The following ARPC1A variants were observed in gnomAD, a reference collection of about 807,000 sequenced individuals.
ARPC1A encodes actin-related protein 2/3 complex subunit 1A.
Under a neutral mutation model 46.9 loss-of-function variants are expected in ARPC1A, and 8 were observed. The ratio of observed to expected loss-of-function variants is 0.17; its 90% CI spans 0.10 to 0.31. The LOEUF is 0.31. Ranked by LOEUF, ARPC1A falls within the 10% of genes least tolerant of loss-of-function variation. ARPC1A has a pLI of 1.00. For missense variants in ARPC1A, 286 were observed against 483.6 expected (o/e 0.59, Z 3.83); for synonymous variants, 152 against 169.0 (o/e 0.90, Z 0.78).
At chr7:99,337,010 G>A (rs1793266314) in intron 2 of ARPC1A, among the ~76,000 whole-genome samples, 1 of 151,936 alleles carries the variant, frequency 6.6e-6, no homozygotes, top group South Asian at 2.1e-4. Context: ...ACTAGATGGG[G>A]TAAAAAAAGA....
At chr7:99,342,995 G>A (rs1360013983) in intron 3 of ARPC1A, among the ~76,000 whole-genome samples, 1 of 151,924 alleles carries the variant, frequency 6.6e-6, no homozygotes, top group Non-Finnish European at 1.5e-5. Flanking sequence ...GAGCCACCGC[G>A]CCCGGCCTAA....
chr7:99,351,987 T>G (rs987151550), intron 5 of ARPC1A, among the ~76,000 whole-genome samples: 1 of 152,144 alleles, frequency 6.6e-6, no homozygotes, highest in Non-Finnish European at 1.5e-5. Flanking sequence ...CTTAAGCTAT[T>G]CCTGCCACAG....
intron 5 of ARPC1A, among the ~76,000 whole-genome samples, chr7:99,349,946 G>A (rs1481932212): frequency 2.0e-5 from 3 of 152,148 alleles, no homozygotes; most frequent in Non-Finnish European, 4.4e-5. Flanking sequence ...GGGAGGTGGA[G>A]GTTGCAGTGA....
chr7:99,344,608 C>A, intron 4 of ARPC1A, 93 bp downstream of exon 4: 1 of 1,314,782 alleles, frequency 7.6e-7, no homozygotes. Flanking sequence ...TTTTTCTCAT[C>A]CGGAGTTGTG....
chr7:99,338,578 GT>G (rs1435941423), intron 3 of ARPC1A, among the ~76,000 whole-genome samples: 1 of 151,564 alleles, frequency 6.6e-6, no homozygotes, highest in East Asian at 1.9e-4. Flanking sequence ...GTAGAGATAG[GT>G]TTCACCATGT....
chr7:99,329,840 T>TA (rs1793115499), intron 1 of ARPC1A, among the ~76,000 whole-genome samples: 1 of 152,256 alleles, frequency 6.6e-6, no homozygotes, highest in South Asian at 2.1e-4. Flanking sequence ...GGCACGTAGA[T>TA]ATTCACATCA....
At chr7:99,357,822 C>T (rs1480290156) in intron 6 of ARPC1A, among the ~76,000 whole-genome samples, 5 of 152,172 alleles carry the variant, frequency 3.3e-5, no homozygotes, top group South Asian at 4.1e-4. Flanking sequence ...TGGCTAAGAC[C>T]GTTTGGTTCA....
At chr7:99,348,830 A>T (rs774583955) in intron 4 of ARPC1A, 22 bp from the exon 5 acceptor site, 1 of 1,601,018 alleles carries the variant, frequency 6.2e-7, no homozygotes, top group South Asian at 1.1e-5. Flanking sequence ...GGATAAACTG[A>T]AACAGTTTTC....
chr7:99,357,466 G>A (rs553871613), intron 6 of ARPC1A, among the ~76,000 whole-genome samples: 79 of 151,358 alleles, frequency 5.2e-4, no homozygotes, highest in Admixed American at 1.2e-3. Flanking sequence ...AGCCACAGAC[G>A]TGCACCACCA....
intron 7 of ARPC1A, 110 bp from the exon 8 acceptor site, chr7:99,359,435 C>A (rs1260986121): frequency 3.0e-6 from 2 of 677,418 alleles, no homozygotes; most frequent in African/African-American, 2.2e-5. Flanking sequence ...GACTCGGTCT[C>A]AAAAAAAAAA....
chr7:99,350,595 G>GTGTT (rs1793529647), intron 5 of ARPC1A, among the ~76,000 whole-genome samples: 1 of 129,868 alleles, frequency 7.7e-6, no homozygotes, highest in Admixed American at 8.1e-5. Context: ...ATGTTGCTTT[G>GTGTT]TGTTGACTAT....
chr7:99,336,189 A>C (rs894879981), intron 2 of ARPC1A, among the ~76,000 whole-genome samples: 37 of 152,306 alleles, frequency 2.4e-4, no homozygotes, highest in Non-Finnish European at 5.0e-4. Flanking sequence ...TAAATTCAGC[A>C]TATTAAGTCA....
chr7:99,343,764 T>C (rs553463342), intron 3 of ARPC1A, among the ~76,000 whole-genome samples: 1 of 152,344 alleles, frequency 6.6e-6, no homozygotes, highest in African/African-American at 2.4e-5. Flanking sequence ...ATGGTTCAAC[T>C]GGCAGTGACT....
chr7:99,362,895 T>C (rs980991292), intron 8 of ARPC1A, among the ~76,000 whole-genome samples: 1 of 152,102 alleles, frequency 6.6e-6, no homozygotes, highest in African/African-American at 2.4e-5. Context: ...TGTCTGCTGC[T>C]AACATTTATG....
At chr7:99,361,593 G>A (rs1022612608) in intron 8 of ARPC1A, among the ~76,000 whole-genome samples, 1 of 152,038 alleles carries the variant, frequency 6.6e-6, no homozygotes, top group Non-Finnish European at 1.5e-5. Flanking sequence ...GAATGGCTCC[G>A]AGTTACTTCT....
At chr7:99,339,222 A>C (rs1036461063) in intron 3 of ARPC1A, among the ~76,000 whole-genome samples, 1 of 152,148 alleles carries the variant, frequency 6.6e-6, no homozygotes, top group African/African-American at 2.4e-5. Context: ...ATTCCAGTCC[A>C]TTTTTAATAC....
intron 2 of ARPC1A, among the ~76,000 whole-genome samples, chr7:99,337,238 A>G (rs574771091): frequency 4.6e-5 from 7 of 152,268 alleles, no homozygotes; most frequent in Admixed American, 1.3e-4. Context: ...CCTGACCAAC[A>G]TGGAGAAACC....
At chr7:99,357,366 A>G (rs756339846) in intron 6 of ARPC1A, among the ~76,000 whole-genome samples, 8 of 151,758 alleles carry the variant, frequency 5.3e-5, no homozygotes, top group Non-Finnish European at 8.8e-5. Context: ...GCTTTTTTTT[A>G]TTTTTTAATT....
intron 4 of ARPC1A, among the ~76,000 whole-genome samples, chr7:99,344,857 A>G (rs1466899501): frequency 7.1e-5 from 5 of 70,794 alleles, no homozygotes; most frequent in Non-Finnish European, 1.3e-4. Flanking sequence ...CCTGAGGAAT[A>G]TTTTTTCTTT....
Sources: gnomAD v4.1 joint callset for allele counts (sites outside exome capture counted in the v4.1 genomes callset) on GRCh38, gnomAD v4.1.1 for gene constraint, MANE v1.5 for transcripts, NCBI Gene and HGNC (gene_info 2026-07-23, HGNC 2026-07-21) for gene names.